The following VPS13B variants were observed in gnomAD, a reference collection of about 807,000 sequenced individuals.
The protein encoded by VPS13B is intermembrane lipid transfer protein VPS13B.
VPS13B carries 285 observed loss-of-function variants against 426.4 expected under a neutral mutation model. The observed-to-expected ratio is 0.67, with a 90% CI of 0.61 to 0.74. The LOEUF (loss-of-function observed/expected upper bound fraction) is 0.74. Ranked by LOEUF, VPS13B falls within the 30% of genes least tolerant of loss-of-function variation. The pLI is 0.00. For missense variants in VPS13B, 4,537 were observed against 4,782.6 expected (o/e 0.95, Z 1.51); for synonymous variants, 1,676 against 1,676.4 (o/e 1.00, Z 0.01).
chr8:99,274,745 A>G (rs1211919487), intron 18 of VPS13B, among the ~76,000 whole-genome samples: 1 of 152,120 alleles, frequency 6.6e-6, no homozygotes, highest in Non-Finnish European at 1.5e-5. Flanking sequence ...ATTTCATAAT[A>G]TATTTTAAAA....
chr8:99,718,945 C>T (rs761036858), intron 37 of VPS13B, among the ~76,000 whole-genome samples: 69 of 152,068 alleles, frequency 4.5e-4, no homozygotes, highest in Non-Finnish European at 4.3e-4. Context: ...ACATAGCACC[C>T]GGCCAATTTT....
rs560541410 is a variant in VPS13B at position 99,399,280 on chromosome 8, G to T, written c.3082+7576G>T. Reference sequence around the variant, plus strand: ...TTTTTATTTCTAAATCAAAATTCAAGGGAAAAAAGTATTAGTCTGCAGAGC... The same window carrying T: ...TTTTTATTTCTAAATCAAAATTCAATGGAAAAAAGTATTAGTCTGCAGAGC... On this transcript the variant is annotated intron_variant, in intron 21 of 61. Transcript: ENST00000357162. Among the ~76,000 whole-genome samples, 62 of 152,102 alleles carry T rather than the reference G, an allele frequency of 4.1e-4. 1 individual carries two copies. The highest frequency in any genetic ancestry group is 1.7e-3 in the South Asian group (8 of 4,822).
intron 58 of VPS13B, among the ~76,000 whole-genome samples, chr8:99,866,243 T>C (rs1438838236): frequency 6.6e-6 from 1 of 152,212 alleles, no homozygotes; most frequent in Admixed American, 6.5e-5. Context: ...TTTAGCTGGA[T>C]ATACTTCAGA....
chr8:99,800,594 C>T (rs1360155969), intron 43 of VPS13B, among the ~76,000 whole-genome samples: 1 of 151,756 alleles, frequency 6.6e-6, no homozygotes, highest in Non-Finnish European at 1.5e-5. Context: ...ATTAGTTTTC[C>T]CTAATTTAGT....
chr8:99,742,362 C>A (rs901577507), intron 39 of VPS13B, among the ~76,000 whole-genome samples: 3 of 152,104 alleles, frequency 2.0e-5, no homozygotes, highest in African/African-American at 7.2e-5. Context: ...GAGTCCAGGA[C>A]CAGATGGATT....
At chr8:99,121,791 G>T (rs1847950665) in intron 8 of VPS13B, 2 of 206,852 alleles carry the variant, frequency 9.7e-6, no homozygotes, top group Non-Finnish European at 1.9e-5. Flanking sequence ...TACCTGTCAG[G>T]TACGGTTTCC....
intron 53 of VPS13B, 26 bp downstream of exon 53, chr8:99,835,350 A>T: frequency 6.3e-7 from 1 of 1,595,478 alleles, no homozygotes; most frequent in Non-Finnish European, 8.6e-7. Context: ...TCGAATTTAG[A>T]TAATACTAAA....
intron 19 of VPS13B, among the ~76,000 whole-genome samples, chr8:99,373,787 A>G (rs956317208): frequency 6.6e-6 from 1 of 152,168 alleles, no homozygotes; most frequent in Non-Finnish European, 1.5e-5. Flanking sequence ...GGCTACAGTG[A>G]GCTGTGATCA....
rs188171446 is a variant in VPS13B at position 99,545,963 on chromosome 8, A to G, written c.4746-10487A>G. Among the ~76,000 whole-genome samples, 15 of 152,180 alleles carry G rather than the reference A, an allele frequency of 9.9e-5. No homozygotes were observed. In the East Asian group the frequency reaches 2.1e-3, roughly 22 times the overall value. ...ATTGATACTTTTCCTTAAAGAAACT[A>G]TCTTTATTCTGATTAATTTGCAAAT... On this transcript the variant is annotated intron_variant, in intron 30 of 61. Transcript: ENST00000357162.
chr8:99,817,925 G>A (rs1158465033), intron 45 of VPS13B, 122 bp downstream of exon 45: 2 of 1,420,068 alleles, frequency 1.4e-6, no homozygotes, highest in African/African-American at 2.9e-5. Flanking sequence ...GGAGTGAAAG[G>A]CTTTGAATAG....
chr8:99,746,580 A>T (rs536821070), intron 39 of VPS13B, among the ~76,000 whole-genome samples: 18 of 152,194 alleles, frequency 1.2e-4, no homozygotes, highest in Non-Finnish European at 2.1e-4. Context: ...AATCTTGCGC[A>T]TTCCATACAT....
intron 17 of VPS13B, among the ~76,000 whole-genome samples, chr8:99,259,559 A>G (rs1817934671): frequency 6.6e-6 from 1 of 152,088 alleles, no homozygotes; most frequent in African/African-American, 2.4e-5. Flanking sequence ...CATTTCAAAA[A>G]TCTGTTTCAC....
chr8:99,028,241 C>T (rs1034313710), intron 2 of VPS13B, among the ~76,000 whole-genome samples: 7 of 151,832 alleles, frequency 4.6e-5, no homozygotes, highest in Non-Finnish European at 8.8e-5. Flanking sequence ...ACCTCCCAGA[C>T]GGGGTCGTGG....
chr8:99,778,921 G>C lies in VPS13B; in HGVS notation c.7669G>C (p.Asp2557His). 6.2e-7 allele frequency: 1 copy of C among 1,613,908 alleles called. No individual in the cohort carries two copies. Among genetic ancestry groups the C allele is most frequent in the Non-Finnish European group, 8.5e-7 (1 of 1,179,896 alleles). The change falls in exon 42 of 62, where the codon GAT (aspartate) becomes CAT (histidine). Residue 2557 changes from aspartate to histidine, a missense_variant. Around this residue, in one of 2 missense-constraint regions of VPS13B, gnomAD observed 4,311 missense variants for 4,474.3 expected, o/e 0.96. Transcript: ENST00000357162. ...SIFGQMAVSS[D>H]VVEKLLDCTV... ...CTTCGGGCAGATGGCAGTTTCCAGC[G>C]ATGTAGTGGAAAAGCTGCTTGACTG...
rs5893476 is a variant in VPS13B, at chr8:99,044,084, C to CTTTTTTTTTT, written c.291+5527_291+5536dup. On this transcript the variant is annotated intron_variant, in intron 3 of 61. Transcript: ENST00000357162. ...CATTTCTTTTTTTTTTTCTTTCTTT[C>CTTTTTTTTTT]TTTTTTTTTTTTTTTTTTGAGACGG... is the stretch of plus-strand genomic sequence containing the variant. Among the ~76,000 whole-genome samples the CTTTTTTTTTT allele has an allele frequency of 5.7e-4, 56 of 98,926 alleles. 1 individual carries two copies. The highest frequency in any genetic ancestry group is 7.0e-4 in the Non-Finnish European group (38 of 53,994). 64.9% of individuals were successfully genotyped at this position (98,926 alleles called of 152,430 possible).
intron 19 of VPS13B, among the ~76,000 whole-genome samples, chr8:99,315,427 A>G (rs1253772174): frequency 2.1e-5 from 3 of 144,404 alleles, no homozygotes; most frequent in Non-Finnish European, 4.6e-5. Context: ...TCTATTATTG[A>G]CTCTTTCAAG....
In VPS13B at chr8:99,661,488, C is replaced by T; in HGVS notation, c.6043C>T (p.Pro2015Ser). 2 of 1,612,618 alleles carry T rather than the reference C, an allele frequency of 1.2e-6. No homozygotes were observed. The highest frequency in any genetic ancestry group is 1.3e-5 in the African/African-American group (1 of 74,962). ...TLQIKDFLNG[P>S]ADVNLDISKP... is the part of the protein sequence containing the mutation. ...ACAGATTAAAGACTTTCTGAATGGA[C>T]CAGGTAAGAAAGTCATAAAATTTAC... Residue 2015 changes from proline to serine, a missense_variant, in exon 35 of 62, where the codon CCA becomes TCA. Physicochemically the swap from Pro to Ser is moderately conservative, Grantham distance 74. Coordinates refer to ENST00000357162, the MANE Select transcript of VPS13B (RefSeq NM_152564.5).
At chr8:99,395,976 T>C (rs902003782) in intron 21 of VPS13B, among the ~76,000 whole-genome samples, 3 of 152,068 alleles carry the variant, frequency 2.0e-5, no homozygotes, top group Admixed American at 2.0e-4. Context: ...GAATTAGATG[T>C]TGAGTAGTAG....
At position 99,511,529 on chromosome 8, in the gene VPS13B, T is replaced by C. The variant is rs941869950; in HGVS notation, c.4633+17T>C. 2.5e-6 allele frequency: 4 copies of C among 1,605,268 alleles called. No homozygotes were observed. In the African/African-American group the frequency reaches 4.0e-5, roughly 16 times the overall value. On this transcript the variant is annotated intron_variant, in intron 29 of 61. Coordinates refer to ENST00000357162, the MANE Select transcript of VPS13B (RefSeq NM_152564.5). ...CTGTTGAAGGTATTGTCTTCTGATT[T>C]TTTTTGTCTGATTTTAAATAATTTT...
Sources: gnomAD v4.1 joint callset for allele counts (sites outside exome capture counted in the v4.1 genomes callset) on GRCh38, gnomAD v4.1.1 for gene constraint, gnomAD v4.1.1 regional missense constraint, MANE v1.5 for transcripts, NCBI Gene and HGNC (gene_info 2026-07-23, HGNC 2026-07-21) for gene names.